Variants in PRKG1 observed in about 807,000 individuals in gnomAD.
PRKG1 encodes cGMP-dependent protein kinase 1.
A neutral mutation model predicts 88.1 loss-of-function variants in PRKG1; 35 were observed. That is an observed-to-expected ratio of 0.40 (90% confidence interval 0.30 to 0.53). The LOEUF (loss-of-function observed/expected upper bound fraction) is 0.53. Among genes scored for constraint, PRKG1 ranks in the 20% least tolerant of loss-of-function variants. PRKG1 has a pLI of 0.59. For synonymous variants in PRKG1, 303 were observed against 292.5 expected, an observed-to-expected ratio of 1.04 and a Z score of -0.37; for missense variants, 540 against 839.8, an observed-to-expected ratio of 0.64 and a Z score of 4.41.
Position 51,410,292 on chromosome 10 carries a change from AGTATT to A in PRKG1, c.479-57420_479-57416del, listed in dbSNP as rs1383891088. 8.9e-5 allele frequency among the ~76,000 whole-genome samples: 11 copies of A among 123,614 alleles called. No individual in the cohort carries two copies. In the East Asian group the frequency reaches 2.2e-3, roughly 25 times the overall value. The allele number at this position is 123,614 out of a possible 152,430, so 81.1% of individuals were successfully genotyped here. ...TATATGTGTGTGTGTGTGTGTGTGTAGTATTGTATTGTATTAAGTATTAATCACAC... is the reference window on the plus strand; with the variant it reads ...TATATGTGTGTGTGTGTGTGTGTGTAGTATTGTATTAAGTATTAATCACAC... On this transcript the variant is annotated intron_variant, in intron 2 of 17. Coordinates refer to ENST00000373980, the MANE Select transcript of PRKG1 (RefSeq NM_006258.4).
chr10:51,456,880 A>C (rs1022101170), intron 2 of PRKG1, among the ~76,000 whole-genome samples: 1 of 152,224 alleles, frequency 6.6e-6, no homozygotes, highest in Non-Finnish European at 1.5e-5. Context: ...GAAAACCACA[A>C]AGAGATACCA....
At chr10:51,040,428 T>C (rs902729376) in intron 1 of PRKG1, among the ~76,000 whole-genome samples, 5 of 149,608 alleles carry the variant, frequency 3.3e-5, no homozygotes, top group Admixed American at 2.0e-4. Flanking sequence ...AAGCAATTAT[T>C]CTGCCTCAGC....
chr10:51,832,802 A>T (rs759112478), intron 4 of PRKG1, among the ~76,000 whole-genome samples: 1 of 152,166 alleles, frequency 6.6e-6, no homozygotes, highest in Non-Finnish European at 1.5e-5. Flanking sequence ...CAAGCTATGG[A>T]ATGGTGAGGG....
intron 2 of PRKG1, among the ~76,000 whole-genome samples, chr10:51,379,713 C>G (rs987935013): frequency 6.6e-6 from 1 of 152,182 alleles, no homozygotes; most frequent in Non-Finnish European, 1.5e-5. Context: ...TCTGTTCACT[C>G]GACAGATTTA....
intron 1 of PRKG1, among the ~76,000 whole-genome samples, chr10:51,143,558 C>A (rs555542534): frequency 3.4e-4 from 51 of 151,932 alleles, no homozygotes; most frequent in Non-Finnish European, 6.2e-4. Context: ...TACTATTTTC[C>A]GTAATGGCTA....
intron 2 of PRKG1, among the ~76,000 whole-genome samples, chr10:51,462,889 G>A (rs2132802427): frequency 6.6e-6 from 1 of 152,106 alleles, no homozygotes; most frequent in Non-Finnish European, 1.5e-5. Flanking sequence ...AGGACACGAT[G>A]AAAATTATAC....
chr10:51,495,248 C>A (rs1297577033), intron 3 of PRKG1, among the ~76,000 whole-genome samples: 2 of 152,164 alleles, frequency 1.3e-5, no homozygotes, highest in African/African-American at 2.4e-5. Flanking sequence ...GCGAGCGCCA[C>A]CACACCCAGC....
intron 9 of PRKG1, among the ~76,000 whole-genome samples, chr10:52,174,253 A>C (rs971684333): frequency 1.3e-5 from 2 of 151,918 alleles, no homozygotes; most frequent in South Asian, 4.1e-4. Context: ...TGCATTTCAC[A>C]TGAGCTCCAA....
chr10:52,144,424 A>T (rs572463822), intron 8 of PRKG1, among the ~76,000 whole-genome samples: 8 of 152,302 alleles, frequency 5.3e-5, no homozygotes, highest in African/African-American at 1.9e-4. Flanking sequence ...AGAGTAGCAG[A>T]TTAATTACAA....
At chr10:52,104,855 T>C (rs1438808566) in intron 7 of PRKG1, among the ~76,000 whole-genome samples, 8 of 152,202 alleles carry the variant, frequency 5.3e-5, no homozygotes, top group East Asian at 1.9e-4. Flanking sequence ...TACCTACCCA[T>C]TTGTGAATCT....
intron 1 of PRKG1, among the ~76,000 whole-genome samples, chr10:50,992,433 G>T (rs1332467133): frequency 6.6e-6 from 1 of 152,190 alleles, no homozygotes; most frequent in African/African-American, 2.4e-5. Flanking sequence ...CCTTGCACCT[G>T]AAGCAGATTT....
intron 5 of PRKG1, among the ~76,000 whole-genome samples, chr10:52,023,080 C>T (rs148688917): frequency 1.1e-4 from 16 of 152,212 alleles, no homozygotes; most frequent in East Asian, 5.8e-4. Context: ...CCCCACACCC[C>T]GACAGGTCCT....
intron 2 of PRKG1, among the ~76,000 whole-genome samples, chr10:51,243,989 G>T (rs144062549): frequency 2.0e-5 from 3 of 152,068 alleles, no homozygotes; most frequent in African/African-American, 7.2e-5. Flanking sequence ...TGTAACAAAC[G>T]AGTTTTGAAT....
At chr10:51,865,113 G>T (rs1179560853) in intron 4 of PRKG1, among the ~76,000 whole-genome samples, 1 of 152,064 alleles carries the variant, frequency 6.6e-6, no homozygotes, top group Non-Finnish European at 1.5e-5. Flanking sequence ...TCTTAGTGTT[G>T]CTGAATATCA....
At chr10:52,169,508 A>G (rs1838596325) in intron 9 of PRKG1, among the ~76,000 whole-genome samples, 1 of 152,190 alleles carries the variant, frequency 6.6e-6, no homozygotes, top group Admixed American at 6.5e-5. Flanking sequence ...TCCTGGCACC[A>G]TCACGATGGG....
chr10:52,294,048 T>C lies in PRKG1; in HGVS notation c.*148T>C. ...GCTGCTCCAGTAACTACAGTGGCATTAGGACTTACCGCTTAGATGACAATA... is the reference window on the plus strand; with the variant it reads ...GCTGCTCCAGTAACTACAGTGGCATCAGGACTTACCGCTTAGATGACAATA... On this transcript the variant is annotated 3_prime_UTR_variant, in exon 18 of 18. Transcript: ENST00000373980. 1.6e-6 allele frequency: 1 copy of C among 613,742 alleles called. No individual in the cohort carries two copies. The highest frequency in any genetic ancestry group is 2.2e-5 in the South Asian group (1 of 44,552). 38.0% of individuals were successfully genotyped at this position (613,742 alleles called of 1,614,324 possible).
In PRKG1 at chr10:51,949,332, G is replaced by A. The variant is rs148362068; in HGVS notation, c.762+41762G>A. On this transcript the variant is annotated intron_variant, in intron 5 of 17. Transcript: ENST00000373980. ...GCTTTGAATAAGAAATTTGGTTTAGGCTGGACACAGTAGCTCACATCTATA... is the reference window on the plus strand; with the variant it reads ...GCTTTGAATAAGAAATTTGGTTTAGACTGGACACAGTAGCTCACATCTATA... Among the ~76,000 whole-genome samples, 682 of 152,198 alleles carry A rather than the reference G, an allele frequency of 4.5e-3. 7 individuals are homozygous for A. Among genetic ancestry groups the A allele is most frequent in the African/African-American group, 0.016 (649 of 41,530 alleles).
At chr10:51,165,622 C>G (rs1846516640) in intron 2 of PRKG1, among the ~76,000 whole-genome samples, 1 of 151,958 alleles carries the variant, frequency 6.6e-6, no homozygotes, top group Non-Finnish European at 1.5e-5. Context: ...AGAGTCAAGA[C>G]CCATCAGTGT....
chr10:51,872,491 T>C (rs781068325), intron 4 of PRKG1, among the ~76,000 whole-genome samples: 1 of 152,148 alleles, frequency 6.6e-6, no homozygotes, highest in East Asian at 1.9e-4. Context: ...TAAACTGAAT[T>C]TGGTTAAATT....
Sources: gnomAD v4.1 joint callset for allele counts (sites outside exome capture counted in the v4.1 genomes callset) on GRCh38, gnomAD v4.1.1 for gene constraint, MANE v1.5 for transcripts, NCBI Gene and HGNC (gene_info 2026-07-23, HGNC 2026-07-21) for gene names.